The following ADK variants were observed in gnomAD, a reference collection of about 807,000 sequenced individuals.
ADK encodes the protein adenosine kinase.
A neutral mutation model predicts 44.7 loss-of-function variants in ADK; 24 were observed. The observed-to-expected ratio is 0.54, with a 90% CI of 0.39 to 0.76. The LOEUF (loss-of-function observed/expected upper bound fraction) is 0.76, where lower values mean the gene tolerates loss of function less well. Among genes scored for constraint, ADK ranks in the 30% least tolerant of loss-of-function variants. The pLI is 0.00. For synonymous variants in ADK, 128 were observed against 142.6 expected, an observed-to-expected ratio of 0.90 and a Z score of 0.73; for missense variants, 321 against 425.1, an observed-to-expected ratio of 0.76 and a Z score of 2.15.
At chr10:74,208,134 G>A (rs370592591) in intron 2 of ADK, among the ~76,000 whole-genome samples, 2 of 152,380 alleles carry the variant, frequency 1.3e-5, no homozygotes, top group Admixed American at 6.5e-5. Context: ...GAGAGGCCAG[G>A]CATGGGAACA....
intron 7 of ADK, among the ~76,000 whole-genome samples, chr10:74,567,690 G>GT (rs1237900534): frequency 1.1e-3 from 132 of 122,786 alleles, no homozygotes; most frequent in African/African-American, 1.6e-3. Flanking sequence ...TGTTTTTTTT[G>GT]TTTTTTTTGT....
At chr10:74,485,101 A>G (rs1475499724) in intron 6 of ADK, among the ~76,000 whole-genome samples, 1 of 152,190 alleles carries the variant, frequency 6.6e-6, no homozygotes, top group Non-Finnish European at 1.5e-5. Context: ...AAGGCAAGCC[A>G]CTGAGTAGGA....
chr10:74,557,353 CTA>C (rs1219034294), intron 7 of ADK, among the ~76,000 whole-genome samples: 1 of 152,144 alleles, frequency 6.6e-6, no homozygotes, highest in Non-Finnish European at 1.5e-5. Flanking sequence ...ACTACATAAA[CTA>C]TGTAATATTG....
At chr10:74,517,126 G>C (rs1490105997) in intron 6 of ADK, among the ~76,000 whole-genome samples, 1 of 152,076 alleles carries the variant, frequency 6.6e-6, no homozygotes. Flanking sequence ...GATGAGATTT[G>C]GGTGGGAACA....
intron 6 of ADK, among the ~76,000 whole-genome samples, chr10:74,454,062 A>T (rs1230217950): frequency 6.6e-6 from 1 of 152,184 alleles, no homozygotes; most frequent in East Asian, 1.9e-4. Context: ...ACCATTCTCC[A>T]GCAGGTCATA....
chr10:74,563,239 T>G (rs1300787912), intron 7 of ADK, among the ~76,000 whole-genome samples: 2 of 152,296 alleles, frequency 1.3e-5, no homozygotes, highest in South Asian at 4.1e-4. Context: ...CTTTCTGTTT[T>G]TAAGACAGTT....
At position 74,361,145 on chromosome 10, in the gene ADK, C is replaced by A. The variant is rs1450641729; in HGVS notation, c.274-32996C>A. On this transcript the variant is annotated intron_variant, in intron 4 of 10. Coordinates refer to ENST00000539909, the MANE Select transcript of ADK (RefSeq NM_006721.4). ...GGTCTCAAACTCCGGACCTCATGAT[C>A]CACCCGCCTCGGCCTCCCAAAGTGT... 2.0e-5 allele frequency among the ~76,000 whole-genome samples: 3 copies of A among 152,222 alleles called. No individual in the cohort carries two copies. The East Asian group carries it at 5.8e-4, about 29-fold the overall frequency.
chr10:74,256,845 CAG>C (rs1473357190), intron 3 of ADK, among the ~76,000 whole-genome samples: 4 of 152,242 alleles, frequency 2.6e-5, no homozygotes, highest in African/African-American at 9.6e-5. Context: ...TATATCAAAA[CAG>C]TATTTTTGAA....
At chr10:74,335,917 T>C (rs1841393808) in intron 4 of ADK, among the ~76,000 whole-genome samples, 1 of 152,210 alleles carries the variant, frequency 6.6e-6, no homozygotes, top group South Asian at 2.1e-4. Flanking sequence ...TTATCTGTTC[T>C]GCAGACAAGA....
chr10:74,262,800 A>G (rs1268729082), intron 3 of ADK, among the ~76,000 whole-genome samples: 1 of 152,216 alleles, frequency 6.6e-6, no homozygotes. Context: ...TTCAATAGTA[A>G]TATTGACTAA....
chr10:74,207,570 C>T (rs1461017532), intron 2 of ADK, among the ~76,000 whole-genome samples: 1 of 152,194 alleles, frequency 6.6e-6, no homozygotes, highest in Non-Finnish European at 1.5e-5. Flanking sequence ...CAAGTGTTCA[C>T]CTCTCAGTGA....
At chr10:74,524,874 A>G (rs780192515) in intron 6 of ADK, among the ~76,000 whole-genome samples, 1 of 152,166 alleles carries the variant, frequency 6.6e-6, no homozygotes, top group Non-Finnish European at 1.5e-5. Flanking sequence ...CTCAAAAAAT[A>G]TATATTCCAA....
chr10:74,373,123 GAA>G (rs1212324517), intron 4 of ADK, among the ~76,000 whole-genome samples: 1 of 141,690 alleles, frequency 7.1e-6, no homozygotes. Flanking sequence ...ATCCATATGG[GAA>G]AAAAAAAAAG....
intron 1 of ADK, among the ~76,000 whole-genome samples, chr10:74,164,235 T>C (rs573098642): frequency 6.6e-6 from 1 of 152,354 alleles, no homozygotes; most frequent in African/African-American, 2.4e-5. Flanking sequence ...ATAAAATGTT[T>C]ATTAAAAATA....
chr10:74,613,392 G>A (rs1176050279), intron 9 of ADK, among the ~76,000 whole-genome samples: 1 of 152,046 alleles, frequency 6.6e-6, no homozygotes, highest in Non-Finnish European at 1.5e-5. Context: ...ACAGCTAAGG[G>A]TCTAGTTCTT....
At chr10:74,472,772 A>G (rs9665469) in intron 6 of ADK, among the ~76,000 whole-genome samples, 92,146 of 151,962 alleles carry the variant, frequency 0.61, 30,373 homozygotes, top group Middle Eastern at 0.78. Context: ...GAACATTTCC[A>G]TCATCGCAGA....
At chr10:74,575,944 A>G (rs1851169105) in intron 7 of ADK, among the ~76,000 whole-genome samples, 1 of 152,142 alleles carries the variant, frequency 6.6e-6, no homozygotes, top group South Asian at 2.1e-4. Flanking sequence ...AGTTTTAGGT[A>G]TTATAGGATT....
At chr10:74,353,271 G>A (rs1842027836) in intron 4 of ADK, among the ~76,000 whole-genome samples, 1 of 152,102 alleles carries the variant, frequency 6.6e-6, no homozygotes, top group Non-Finnish European at 1.5e-5. Context: ...ACATGATGAA[G>A]CTGGAAACCA....
At chr10:74,584,698 G>A (rs1851474955) in intron 7 of ADK, among the ~76,000 whole-genome samples, 1 of 152,134 alleles carries the variant, frequency 6.6e-6, no homozygotes, top group African/African-American at 2.4e-5. Flanking sequence ...TGTAACAGCT[G>A]TAGCAATGAC....
Sources: allele counts gnomAD v4.1 joint callset (sites outside exome capture counted in the v4.1 genomes callset), GRCh38; gene constraint gnomAD v4.1.1; transcripts MANE v1.5; gene names NCBI Gene and HGNC (gene_info 2026-07-23, HGNC 2026-07-21).